CREB5: variants seen among roughly 807,000 people sequenced by gnomAD.
CREB5 encodes cyclic AMP-responsive element-binding protein 5.
Under a neutral mutation model 57.1 loss-of-function variants are expected in CREB5, and 19 were observed. The observed-to-expected ratio is 0.33, with a 90% confidence interval of 0.23 to 0.49. The LOEUF is 0.49. Ranked by LOEUF, CREB5 falls within the 20% of genes least tolerant of loss-of-function variation. The pLI is 0.99. For missense variants in CREB5, 579 were observed against 671.6 expected (o/e 0.86, Z 1.52); for synonymous variants, 238 against 238.3 (o/e 1.00, Z 0.01).
intron 4 of CREB5, among the ~76,000 whole-genome samples, chr7:28,565,658 G>C (rs921963857): frequency 1.3e-5 from 2 of 152,134 alleles, no homozygotes; most frequent in Non-Finnish European, 2.9e-5. Flanking sequence ...GCTGGGTGCC[G>C]TGGTTCATGC....
intron 1 of CREB5, among the ~76,000 whole-genome samples, chr7:28,313,721 C>T (rs767117227): frequency 2.0e-5 from 3 of 152,182 alleles, no homozygotes; most frequent in Non-Finnish European, 4.4e-5. Context: ...TGATGGACAA[C>T]TCAATACCCC....
At chr7:28,742,985 T>C (rs994573150) in intron 7 of CREB5, among the ~76,000 whole-genome samples, 1 of 152,170 alleles carries the variant, frequency 6.6e-6, no homozygotes, top group Non-Finnish European at 1.5e-5. Context: ...GGTTTCACCA[T>C]GTTAGTCAGG....
chr7:28,662,143 T>G (rs4140849), intron 5 of CREB5, among the ~76,000 whole-genome samples: 136,253 of 152,178 alleles, frequency 0.9, 61,155 homozygotes, highest in African/African-American at 0.92. Flanking sequence ...ACTACAAGAG[T>G]AGACAAAAAA....
At chr7:28,458,773 G>A (rs1326929367) in intron 1 of CREB5, among the ~76,000 whole-genome samples, 1 of 152,202 alleles carries the variant, frequency 6.6e-6, no homozygotes, top group Non-Finnish European at 1.5e-5. Context: ...CTTGGAAGAG[G>A]TGTCATGGGA....
At chr7:28,421,755 TAC>T (rs749770460) in intron 1 of CREB5, among the ~76,000 whole-genome samples, 852 of 33,232 alleles carry the variant, frequency 0.026, 10 homozygotes, top group African/African-American at 0.082. Flanking sequence ...CATATATATA[TAC>T]ATACACACAC....
At chr7:28,671,742 C>G (rs1800048685) in intron 5 of CREB5, among the ~76,000 whole-genome samples, 1 of 152,206 alleles carries the variant, frequency 6.6e-6, no homozygotes. Flanking sequence ...TGTGACTGGA[C>G]TCTGCCACGT....
intron 5 of CREB5, among the ~76,000 whole-genome samples, chr7:28,612,183 G>T (rs1231516293): frequency 6.6e-6 from 1 of 152,148 alleles, no homozygotes; most frequent in Non-Finnish European, 1.5e-5. Context: ...CTAGCTTCAT[G>T]CTGACTCACC....
At chr7:28,576,355 A>G (rs1795909766) in intron 5 of CREB5, among the ~76,000 whole-genome samples, 1 of 152,218 alleles carries the variant, frequency 6.6e-6, no homozygotes, top group Admixed American at 6.5e-5. Context: ...GGTAGCTGTT[A>G]TTTACCCCAA....
At chr7:28,494,828 T>C in intron 2 of CREB5, 78 bp from the exon 3 acceptor site, 1 of 951,004 alleles carries the variant, frequency 1.1e-6, no homozygotes. Flanking sequence ...TAAGTCTTTT[T>C]CTCAATAATG....
intron 7 of CREB5, among the ~76,000 whole-genome samples, chr7:28,751,059 T>G (rs1804948452): frequency 6.6e-6 from 1 of 152,090 alleles, no homozygotes; most frequent in African/African-American, 2.4e-5. Flanking sequence ...AGGTTTCCGT[T>G]TAGATTCTCT....
chr7:28,333,540 C>G (rs1214158720), intron 1 of CREB5, among the ~76,000 whole-genome samples: 1 of 152,108 alleles, frequency 6.6e-6, no homozygotes, highest in Admixed American at 6.6e-5. Flanking sequence ...CTCACTCCAT[C>G]CACCCACTAC....
At chr7:28,448,058 G>A (rs138935166) in intron 1 of CREB5, among the ~76,000 whole-genome samples, 10,026 of 152,236 alleles carry the variant, frequency 0.066, 537 homozygotes, top group East Asian at 0.27. Flanking sequence ...GGGGAAGGCA[G>A]ATCCACCCTT....
chr7:28,304,033 T>C (rs1416944607), intron 1 of CREB5, among the ~76,000 whole-genome samples: 1 of 152,200 alleles, frequency 6.6e-6, no homozygotes, highest in Non-Finnish European at 1.5e-5. Context: ...TGGAATGCTA[T>C]AATGTGGCTC....
intron 5 of CREB5, among the ~76,000 whole-genome samples, chr7:28,612,961 C>T (rs1251504444): frequency 2.0e-5 from 3 of 152,052 alleles, no homozygotes; most frequent in African/African-American, 7.3e-5. Flanking sequence ...TTAATTCATC[C>T]CTCAAATGTA....
intron 7 of CREB5, among the ~76,000 whole-genome samples, chr7:28,792,370 C>G (rs1295099536): frequency 1.3e-5 from 2 of 151,008 alleles, no homozygotes; most frequent in South Asian, 2.1e-4. Flanking sequence ...CTAGAGAAAA[C>G]TCTGAAACTA....
At chr7:28,617,422 T>A (rs1255975605) in intron 5 of CREB5, among the ~76,000 whole-genome samples, 2 of 152,234 alleles carry the variant, frequency 1.3e-5, no homozygotes, top group Non-Finnish European at 2.9e-5. Flanking sequence ...TTCTCTTTAG[T>A]GCATCTTATA....
intron 1 of CREB5, among the ~76,000 whole-genome samples, chr7:28,309,622 A>C (rs992031973): frequency 8.5e-5 from 13 of 152,296 alleles, no homozygotes; most frequent in African/African-American, 3.1e-4. Flanking sequence ...TGCCAATGCC[A>C]GGAGAGCCCA....
rs139222705 is a variant in CREB5 at position 28,486,670 on chromosome 7, TTATATATATATA to T, written c.4-1493_4-1482del. Among the ~76,000 whole-genome samples the T allele has an allele frequency of 7.9e-5, 7 of 89,116 alleles. 1 individual carries two copies. The highest frequency in any genetic ancestry group is 3.5e-4 in the South Asian group (1 of 2,818). The allele number at this position is 89,116 out of a possible 152,430, so 58.5% of individuals were successfully genotyped here. A position where few individuals can be genotyped will look rare whatever the true frequency, so the allele number is the denominator to read the frequency against. On this transcript the variant is annotated intron_variant, in intron 1 of 10. Coordinates refer to ENST00000357727, the MANE Select transcript of CREB5 (RefSeq NM_182898.4). ...AACTAAACGTGTATCTCCTATGATT[TTATATATATATA>T]TATATATATATGTTACTGTGTGGAT...
intron 4 of CREB5, among the ~76,000 whole-genome samples, chr7:28,509,086 A>G (rs1260922811): frequency 3.3e-5 from 5 of 152,124 alleles, no homozygotes; most frequent in Non-Finnish European, 2.9e-5. Flanking sequence ...TTTTTGATAG[A>G]CATGTGTATG....
Sources: gnomAD v4.1 joint callset for allele counts (sites outside exome capture counted in the v4.1 genomes callset) on GRCh38, gnomAD v4.1.1 for gene constraint, MANE v1.5 for transcripts, NCBI Gene and HGNC (gene_info 2026-07-23, HGNC 2026-07-21) for gene names.